The following PRKG2 variants were observed in gnomAD, a reference collection of about 807,000 sequenced individuals.
PRKG2 encodes cGMP-dependent protein kinase 2.
In PRKG2, 33 loss-of-function variants were observed where a neutral mutation model predicts 97.2. The observed-to-expected ratio is 0.34, with a 90% CI of 0.26 to 0.45. The LOEUF (loss-of-function observed/expected upper bound fraction) is 0.45. Ranked by LOEUF, PRKG2 falls within the 20% of genes least tolerant of loss-of-function variation. PRKG2 has a pLI of 1.00. For synonymous variants in PRKG2, 330 were observed against 321.8 expected, an observed-to-expected ratio of 1.03 and a Z score of -0.27; for missense variants, 638 against 900.0, an observed-to-expected ratio of 0.71 and a Z score of 3.73.
intron 15 of PRKG2, among the ~76,000 whole-genome samples, 177 bp from the exon 16 acceptor site, chr4:81,106,112 A>G (rs899228707): frequency 6.6e-6 from 1 of 152,170 alleles, no homozygotes; most frequent in Non-Finnish European, 1.5e-5. Flanking sequence ...CACTAATTTA[A>G]TATCGCTTAG....
At chr4:81,099,945 A>G (rs1031289996) in intron 17 of PRKG2, among the ~76,000 whole-genome samples, 3 of 152,194 alleles carry the variant, frequency 2.0e-5, no homozygotes, top group Admixed American at 2.0e-4. Context: ...CCAAATCATG[A>G]GTGAACTCCC....
intron 14 of PRKG2, among the ~76,000 whole-genome samples, chr4:81,121,826 TAAGTTCAACAGTA>T (rs1052580306): frequency 1.8e-4 from 28 of 152,324 alleles, no homozygotes; most frequent in African/African-American, 6.5e-4. Flanking sequence ...AGCAACATGC[TAAGTTCAACAGTA>T]AACACCCTAG....
intron 13 of PRKG2, among the ~76,000 whole-genome samples, chr4:81,136,312 T>A (rs1242077632): frequency 6.6e-6 from 1 of 152,138 alleles, no homozygotes; most frequent in Non-Finnish European, 1.5e-5. Flanking sequence ...ATTTAAAAAA[T>A]CGTTTACTGG....
intron 14 of PRKG2, among the ~76,000 whole-genome samples, chr4:81,130,293 C>T (rs940513538): frequency 7.9e-5 from 12 of 152,078 alleles, no homozygotes; most frequent in Non-Finnish European, 1.5e-4. Flanking sequence ...CTCCAGACCC[C>T]GTATGCCTTT....
In PRKG2 at chr4:81,118,008, G is replaced by T. The variant is rs1240121590; in HGVS notation, c.1777-7397C>A. On this transcript the variant is annotated intron_variant, in intron 14 of 18. Coordinates refer to ENST00000264399, the MANE Select transcript of PRKG2 (RefSeq NM_006259.3). ...CCTGCCTATTCATTTCTACTCCCCTGCCCCAAACCCCACCAACCACTAATC... is the reference window on the plus strand; with the variant it reads ...CCTGCCTATTCATTTCTACTCCCCTTCCCCAAACCCCACCAACCACTAATC... Among the ~76,000 whole-genome samples the T allele has an allele frequency of 3.3e-5, 5 of 152,114 alleles. No homozygotes were observed. In the Middle Eastern group the frequency reaches 0.01, roughly 310 times the overall value.
rs146350668 is a variant in PRKG2, at chr4:81,199,202, A to C, written c.461+5385T>G. Among the ~76,000 whole-genome samples the C allele has an allele frequency of 1.4e-3, 212 of 152,292 alleles. 1 individual carries two copies. The highest frequency in any genetic ancestry group is 4.8e-3 in the African/African-American group (198 of 41,574). Reference sequence around the variant, plus strand: ...AACATGTAAGTCAGTATTTCATGGAAGGGAAAAAAGGGATGTTTCCTCCCC... The same window carrying C: ...AACATGTAAGTCAGTATTTCATGGACGGGAAAAAAGGGATGTTTCCTCCCC... On this transcript the variant is annotated intron_variant, in intron 2 of 18. Coordinates refer to ENST00000264399, the MANE Select transcript of PRKG2 (RefSeq NM_006259.3).
Position 81,168,041 on chromosome 4 carries a change from TA to T in PRKG2, c.849-818del, listed in dbSNP as rs565855560. 8.5e-3 allele frequency among the ~76,000 whole-genome samples: 1,263 copies of T among 148,674 alleles called. 14 individuals are homozygous for T. The highest frequency in any genetic ancestry group is 0.023 in the South Asian group (101 of 4,448). On this transcript the variant is annotated intron_variant, in intron 5 of 18. Transcript: ENST00000264399. Reference sequence around the variant, plus strand: ...CATACTTCATAATAAAAAATGTAAATAAAAAAAATACTGTATATTATGAAAC... The same window carrying T: ...CATACTTCATAATAAAAAATGTAAATAAAAAAATACTGTATATTATGAAAC...
intron 9 of PRKG2, among the ~76,000 whole-genome samples, chr4:81,144,939 A>T (rs371194365): frequency 0.025 from 3,776 of 151,914 alleles, 163 homozygotes; most frequent in African/African-American, 0.086. Flanking sequence ...ACATGAACTC[A>T]TCATTTTTTA....
At chr4:81,097,115 T>A (rs765143149) in intron 17 of PRKG2, among the ~76,000 whole-genome samples, 1 of 151,762 alleles carries the variant, frequency 6.6e-6, no homozygotes, top group African/African-American at 2.4e-5. Flanking sequence ...GTGAGCCATG[T>A]TTGTGCCACT....
At chr4:81,123,941 G>C (rs1433656247) in intron 14 of PRKG2, among the ~76,000 whole-genome samples, 1 of 151,874 alleles carries the variant, frequency 6.6e-6, no homozygotes. Flanking sequence ...CTGTTGTTCA[G>C]TTATTTCACC....
At chr4:81,198,417 A>G (rs60049670) in intron 2 of PRKG2, among the ~76,000 whole-genome samples, 3,711 of 152,196 alleles carry the variant, frequency 0.024, 141 homozygotes, top group African/African-American at 0.083. Flanking sequence ...CTGCCACTTA[A>G]TTCCAGTCAG....
At chr4:81,180,278 C>T (rs75849279) in intron 2 of PRKG2, among the ~76,000 whole-genome samples, 6,924 of 151,948 alleles carry the variant, frequency 0.046, 537 homozygotes, top group African/African-American at 0.16. Context: ...GATTTAAGCC[C>T]AAATATTTTT....
chr4:81,092,314 C>CAA, intron 18 of PRKG2, 72 bp downstream of exon 18: 1 of 1,018,462 alleles, frequency 9.8e-7, no homozygotes, highest in South Asian at 1.7e-5. Context: ...TATACATACA[C>CAA]ACATCTAAAA....
chr4:81,151,134 G>A (rs182192250), intron 8 of PRKG2, among the ~76,000 whole-genome samples: 4 of 152,152 alleles, frequency 2.6e-5, no homozygotes, highest in Non-Finnish European at 5.9e-5. Flanking sequence ...CAAAGGTTAA[G>A]AAGATAAATG....
intron 15 of PRKG2, among the ~76,000 whole-genome samples, chr4:81,107,662 G>A (rs187876151): frequency 9.9e-5 from 15 of 152,002 alleles, no homozygotes; most frequent in East Asian, 5.9e-4. Context: ...ACAGGTGCAC[G>A]CCACCATGCC....
At position 81,106,471 on chromosome 4, in the gene PRKG2, G is replaced by A. The variant is rs563797231; in HGVS notation, c.1941-536C>T. Among the ~76,000 whole-genome samples the A allele has an allele frequency of 3.3e-5, 5 of 152,240 alleles. No individual in the cohort carries two copies. In the South Asian group the frequency reaches 1.0e-3, roughly 32 times the overall value. ...GGACAATATCGCATAGATGAAGTGG[G>A]CTATCAGAAGGACCTGGGGATACAT... On this transcript the variant is annotated intron_variant, in intron 15 of 18. Transcript: ENST00000264399.
At chr4:81,091,562 C>T (rs1741538129) in intron 18 of PRKG2, among the ~76,000 whole-genome samples, 2 of 152,016 alleles carry the variant, frequency 1.3e-5, no homozygotes, top group Admixed American at 6.6e-5. Context: ...GGATTACAGG[C>T]GTGAGCCACC....
chr4:81,098,475 T>C (rs1178616379), intron 17 of PRKG2, among the ~76,000 whole-genome samples: 1 of 152,198 alleles, frequency 6.6e-6, no homozygotes, highest in Non-Finnish European at 1.5e-5. Flanking sequence ...ACAGGAGGCC[T>C]AGCTTTCAGT....
intron 6 of PRKG2, among the ~76,000 whole-genome samples, chr4:81,155,964 A>G (rs1229421004): frequency 6.6e-6 from 1 of 152,208 alleles, no homozygotes; most frequent in Non-Finnish European, 1.5e-5. Flanking sequence ...GGTACCAGCC[A>G]CTGCAAAATC....
Sources: gnomAD v4.1 joint callset for allele counts (sites outside exome capture counted in the v4.1 genomes callset) on GRCh38, gnomAD v4.1.1 for gene constraint, MANE v1.5 for transcripts, NCBI Gene and HGNC (gene_info 2026-07-23, HGNC 2026-07-21) for gene names.